The following PTPRM variants were observed in gnomAD, a reference collection of about 807,000 sequenced individuals.
The protein encoded by PTPRM is receptor-type tyrosine-protein phosphatase mu.
In PTPRM, 47 loss-of-function variants were observed where a neutral mutation model predicts 186.7. That is an observed-to-expected ratio of 0.25 (90% CI 0.20 to 0.32). The LOEUF (loss-of-function observed/expected upper bound fraction) is 0.32, where lower values mean the gene tolerates loss of function less well. Ranked by LOEUF, PTPRM falls within the 10% of genes least tolerant of loss-of-function variation. The probability of loss-of-function intolerance (pLI) is 1.00; values close to 1 mark genes in which losing one functional copy is unlikely to be tolerated. For synonymous variants in PTPRM, 668 were observed against 674.9 expected (o/e 0.99, Z 0.16); for missense variants, 1,494 against 1,865.0 (o/e 0.80, Z 3.66).
At chr18:8,246,420 T>C (rs2094477073) in intron 15 of PTPRM, among the ~76,000 whole-genome samples, 1 of 152,208 alleles carries the variant, frequency 6.6e-6, no homozygotes, top group South Asian at 2.1e-4. Flanking sequence ...TCTGCTTTAA[T>C]ATGCTATAAA....
rs181400308 is a variant in PTPRM, at chr18:7,809,892, A to G, written c.196+35621A>G. ...ACAGAAGACACAAGTGCCTTAAGGG[A>G]TAGGAACTATAAAATTCTGAAGAAA... On this transcript the variant is annotated intron_variant, in intron 2 of 32. Transcript: ENST00000580170. 2.6e-3 allele frequency among the ~76,000 whole-genome samples: 393 copies of G among 152,332 alleles called. 2 individuals carry two copies. The highest frequency in any genetic ancestry group is 9.0e-3 in the African/African-American group (374 of 41,588).
intron 1 of PTPRM, among the ~76,000 whole-genome samples, chr18:7,709,015 C>G (rs908587428): frequency 2.6e-5 from 4 of 152,024 alleles, no homozygotes; most frequent in Non-Finnish European, 5.9e-5. Context: ...AGTTCAACAC[C>G]AATTCCTCAC....
chr18:7,853,883 T>A (rs1395708624), intron 2 of PTPRM, among the ~76,000 whole-genome samples: 3 of 152,158 alleles, frequency 2.0e-5, no homozygotes, highest in Non-Finnish European at 4.4e-5. Flanking sequence ...AAATTGTTAG[T>A]CAGTGGAATT....
intron 7 of PTPRM, among the ~76,000 whole-genome samples, chr18:8,025,578 A>AT (rs1478832665): frequency 6.6e-6 from 1 of 152,184 alleles, no homozygotes; most frequent in Admixed American, 6.5e-5. Context: ...TGATGTGTTT[A>AT]TTTTTTATAT....
chr18:8,289,611 T>A (rs947900262), intron 19 of PTPRM, among the ~76,000 whole-genome samples: 11 of 127,882 alleles, frequency 8.6e-5, no homozygotes, highest in Non-Finnish European at 1.4e-4. Flanking sequence ...TACACACATA[T>A]ATATATACAC....
chr18:7,658,357 T>TATATATATAC (rs1555647615), intron 1 of PTPRM, among the ~76,000 whole-genome samples: 3 of 138,106 alleles, frequency 2.2e-5, no homozygotes, highest in East Asian at 2.2e-4. Flanking sequence ...TATATATATA[T>TATATATATAC]ATACATACAC....
At chr18:8,010,276 CA>C (rs1220430481) in intron 7 of PTPRM, among the ~76,000 whole-genome samples, 1 of 152,160 alleles carries the variant, frequency 6.6e-6, no homozygotes, top group East Asian at 1.9e-4. Flanking sequence ...TCTCTTTGGT[CA>C]AGGCATTTCC....
chr18:7,916,590 G>A (rs1227054635), intron 4 of PTPRM, among the ~76,000 whole-genome samples: 3 of 152,000 alleles, frequency 2.0e-5, no homozygotes, highest in South Asian at 2.1e-4. Context: ...CAGACAGAGG[G>A]GGAAAGAGCT....
chr18:7,906,483 T>C, intron 3 of PTPRM, 22 bp from the exon 4 acceptor site: 2 of 1,565,976 alleles, frequency 1.3e-6, no homozygotes, highest in East Asian at 2.2e-5. Flanking sequence ...ATAAATAATG[T>C]AAATCTTTCT....
chr18:8,177,330 A>G (rs1027876115), intron 14 of PTPRM, among the ~76,000 whole-genome samples: 6 of 152,338 alleles, frequency 3.9e-5, no homozygotes, highest in Middle Eastern at 3.4e-3. Flanking sequence ...ACTTTAGACA[A>G]ATTAAATTTA....
At chr18:8,039,598 A>G (rs932952112) in intron 7 of PTPRM, among the ~76,000 whole-genome samples, 8 of 152,160 alleles carry the variant, frequency 5.3e-5, no homozygotes, top group African/African-American at 1.9e-4. Context: ...AAATGTGTGT[A>G]CCTTGTGGAA....
At chr18:8,067,829 C>G (rs750542302) in intron 7 of PTPRM, among the ~76,000 whole-genome samples, 1 of 152,120 alleles carries the variant, frequency 6.6e-6, no homozygotes, top group Non-Finnish European at 1.5e-5. Context: ...TTGACCCTCT[C>G]GTCTATAGAA....
chr18:8,056,154 A>G (rs1053695428), intron 7 of PTPRM, among the ~76,000 whole-genome samples: 6 of 152,210 alleles, frequency 3.9e-5, no homozygotes, highest in African/African-American at 1.4e-4. Flanking sequence ...TTATTTGATG[A>G]GTCTGAATAT....
At chr18:7,745,494 C>T (rs2040967570) in intron 1 of PTPRM, among the ~76,000 whole-genome samples, 1 of 152,182 alleles carries the variant, frequency 6.6e-6, no homozygotes, top group Non-Finnish European at 1.5e-5. Context: ...AAGTTTAGGG[C>T]CTGCCAAGGA....
At chr18:7,931,116 G>C (rs1194150289) in intron 5 of PTPRM, among the ~76,000 whole-genome samples, 1 of 152,078 alleles carries the variant, frequency 6.6e-6, no homozygotes, top group East Asian at 1.9e-4. Context: ...TGCAGTTCTT[G>C]AAGATACTTG....
chr18:7,835,875 G>GT lies in PTPRM; in HGVS notation c.197-52225dup, dbSNP rs1292411766. 1.9e-4 allele frequency among the ~76,000 whole-genome samples: 24 copies of GT among 127,610 alleles called. No individual in the cohort carries two copies. In the Admixed American group the frequency reaches 2.0e-3, roughly 11 times the overall value. The allele number at this position is 127,610 out of a possible 152,430, so 83.7% of individuals were successfully genotyped here. On this transcript the variant is annotated intron_variant, in intron 2 of 32. Coordinates refer to ENST00000580170, the MANE Select transcript of PTPRM (RefSeq NM_001105244.2). The stretch of plus-strand genomic sequence containing the variant: ...GTTTTGTTTTGTTTTGTTTTGTTTT[G>GT]TTTTTTATCTTGAAAGCTATTGTGT...
At chr18:8,166,830 G>C (rs1298987766) in intron 14 of PTPRM, among the ~76,000 whole-genome samples, 1 of 152,222 alleles carries the variant, frequency 6.6e-6, no homozygotes, top group Admixed American at 6.5e-5. Context: ...AAGCCAGGCT[G>C]CTGGTCTCCA....
intron 14 of PTPRM, among the ~76,000 whole-genome samples, chr18:8,212,819 A>G (rs1373819659): frequency 6.6e-6 from 1 of 152,124 alleles, no homozygotes; most frequent in Non-Finnish European, 1.5e-5. Context: ...AAATTTAACT[A>G]ATGTGTACAT....
At chr18:8,045,698 A>G (rs2086999550) in intron 7 of PTPRM, among the ~76,000 whole-genome samples, 1 of 152,174 alleles carries the variant, frequency 6.6e-6, no homozygotes, top group Admixed American at 6.5e-5. Flanking sequence ...GTGACTGCTA[A>G]TGGATGTGGA....
Sources: allele counts gnomAD v4.1 joint callset (sites outside exome capture counted in the v4.1 genomes callset), GRCh38; gene constraint gnomAD v4.1.1; transcripts MANE v1.5; gene names NCBI Gene and HGNC (gene_info 2026-07-23, HGNC 2026-07-21).